The following TRDN variants were observed in gnomAD, a reference collection of about 807,000 sequenced individuals.
The protein encoded by TRDN is triadin in skeletal muscle.
TRDN carries 161 observed loss-of-function variants against 149.7 expected under a neutral mutation model. The ratio of observed to expected loss-of-function variants is 1.08; its 90% confidence interval spans 0.95 to 1.23. TRDN has a LOEUF of 1.23. TRDN is among the 50% of genes most tolerant of loss of function. TRDN has a pLI of 0.00. For synonymous variants in TRDN, 294 were observed against 250.5 expected, an observed-to-expected ratio of 1.17 and a Z score of -1.64; for missense variants, 896 against 823.5, an observed-to-expected ratio of 1.09 and a Z score of -1.08.
At chr6:123,305,003 AT>A (rs369437819) in intron 24 of TRDN, among the ~76,000 whole-genome samples, 3 of 152,158 alleles carry the variant, frequency 2.0e-5, no homozygotes, top group African/African-American at 7.2e-5. Context: ...TTTAAAAACT[AT>A]TTGCAAATAT....
At chr6:123,231,180 CA>C (rs1775587377) in intron 38 of TRDN, among the ~76,000 whole-genome samples, 1 of 151,624 alleles carries the variant, frequency 6.6e-6, no homozygotes, top group Admixed American at 6.6e-5. Flanking sequence ...CTGGAGGAAC[CA>C]AAAGGAAATA....
At chr6:123,466,881 A>T (rs543285445) in intron 9 of TRDN, among the ~76,000 whole-genome samples, 1 of 151,824 alleles carries the variant, frequency 6.6e-6, no homozygotes, top group South Asian at 2.1e-4. Context: ...CCTGTCATAT[A>T]CCTCGGTGAA....
At chr6:123,307,234 A>T (rs189065815) in intron 24 of TRDN, among the ~76,000 whole-genome samples, 75 of 152,152 alleles carry the variant, frequency 4.9e-4, no homozygotes, top group African/African-American at 1.5e-3. Context: ...AATTTAATTT[A>T]TCTTTTCATT....
At chr6:123,543,305 T>C (rs1583216477) in intron 4 of TRDN, among the ~76,000 whole-genome samples, 1 of 152,304 alleles carries the variant, frequency 6.6e-6, no homozygotes, top group South Asian at 2.1e-4. Context: ...TCATCATTAG[T>C]CTTTGGGAAT....
chr6:123,320,517 T>A (rs1779202918), intron 23 of TRDN, among the ~76,000 whole-genome samples: 1 of 151,756 alleles, frequency 6.6e-6, no homozygotes, highest in African/African-American at 2.4e-5. Flanking sequence ...ATGTTATTAT[T>A]AGACTCAATT....
chr6:123,518,389 C>T (rs557471226), intron 5 of TRDN, among the ~76,000 whole-genome samples: 1 of 152,186 alleles, frequency 6.6e-6, no homozygotes, highest in East Asian at 1.9e-4. Context: ...TTGGCAAAAA[C>T]AAAGCGTCTT....
At chr6:123,423,620 A>G (rs577476972) in intron 12 of TRDN, among the ~76,000 whole-genome samples, 1 of 152,170 alleles carries the variant, frequency 6.6e-6, no homozygotes, top group East Asian at 1.9e-4. Context: ...ACAAACATAA[A>G]CTAACTTAGA....
At chr6:123,299,359 T>A (rs1022639715) in intron 24 of TRDN, among the ~76,000 whole-genome samples, 1 of 152,060 alleles carries the variant, frequency 6.6e-6, no homozygotes, top group Non-Finnish European at 1.5e-5. Context: ...TTGTCTCAGG[T>A]TTGCTATTTG....
intron 1 of TRDN, among the ~76,000 whole-genome samples, chr6:123,611,502 G>A (rs977998137): frequency 2.2e-4 from 33 of 151,816 alleles, no homozygotes; most frequent in African/African-American, 4.1e-4. Flanking sequence ...ATTCTTTAGC[G>A]CTCCCATAAT....
chr6:123,503,708 T>C lies in TRDN; in HGVS notation c.793+11A>G, dbSNP rs757513305. ...TAGAACCTCCGGCAGCCTCCTGCTCTGAATGTTTACCTTTCTGTTCATGCT... is the reference window on the plus strand; with the variant it reads ...TAGAACCTCCGGCAGCCTCCTGCTCCGAATGTTTACCTTTCTGTTCATGCT... On this transcript the variant is annotated intron_variant, in intron 8 of 40. Coordinates refer to ENST00000334268, the MANE Select transcript of TRDN (RefSeq NM_006073.4). The C allele has an allele frequency of 6.8e-6, 11 of 1,613,670 alleles. No individual in the cohort carries two copies. The highest frequency in any genetic ancestry group is 1.6e-4 in the Middle Eastern group (1 of 6,062).
rs186574868 is a variant in TRDN, at chr6:123,573,814, A to G, written c.23-2682T>C. Among the ~76,000 whole-genome samples the G allele has an allele frequency of 7.6e-4, 115 of 152,194 alleles. 2 individuals carry two copies. The East Asian group carries it at 0.014, about 19-fold the overall frequency. ...GAATTCCTTAAATTAGAAAAATAAT[A>G]TTTGAACCCTTCAAACAGCTATGTA... On this transcript the variant is annotated intron_variant, in intron 1 of 40. Transcript: ENST00000334268.
At chr6:123,480,087 T>C (rs921099541) in intron 9 of TRDN, among the ~76,000 whole-genome samples, 1 of 152,064 alleles carries the variant, frequency 6.6e-6, no homozygotes, top group East Asian at 1.9e-4. Flanking sequence ...AGGTGTTGAA[T>C]GGTAGAAGTG....
chr6:123,237,511 C>A (rs1013373445), intron 38 of TRDN, among the ~76,000 whole-genome samples: 4 of 152,130 alleles, frequency 2.6e-5, no homozygotes. Flanking sequence ...GCCTCCCAAA[C>A]TGCTGGGATT....
chr6:123,256,119 G>A (rs1188998169), intron 35 of TRDN, among the ~76,000 whole-genome samples: 1 of 151,880 alleles, frequency 6.6e-6, no homozygotes, highest in Non-Finnish European at 1.5e-5. Flanking sequence ...GCCCCAATGT[G>A]TGATGTTCCC....
chr6:123,422,375 C>A (rs1773942068), intron 12 of TRDN, among the ~76,000 whole-genome samples: 1 of 152,022 alleles, frequency 6.6e-6, no homozygotes, highest in Non-Finnish European at 1.5e-5. Context: ...TTTACAGAAG[C>A]AATCTTGTTA....
In TRDN at chr6:123,543,522, C is replaced by T. The variant is rs376399476; in HGVS notation, c.424+3818G>A. 3.3e-5 allele frequency among the ~76,000 whole-genome samples: 5 copies of T among 152,248 alleles called. No homozygotes were observed. In the East Asian group the frequency reaches 5.8e-4, roughly 18 times the overall value. On this transcript the variant is annotated intron_variant, in intron 4 of 40. Coordinates refer to ENST00000334268, the MANE Select transcript of TRDN (RefSeq NM_006073.4). ...CTTAGACCTCTGTGCTTTGCTCTCA[C>T]TCAGAAACCTAGGAGTTACCCAGAA...
At chr6:123,496,966 A>G (rs373250081) in intron 9 of TRDN, among the ~76,000 whole-genome samples, 3 of 152,068 alleles carry the variant, frequency 2.0e-5, no homozygotes, top group East Asian at 3.8e-4. Flanking sequence ...ATATTAGCAC[A>G]TATTTTACAT....
intron 13 of TRDN, among the ~76,000 whole-genome samples, chr6:123,390,104 C>T (rs1300463211): frequency 6.6e-6 from 1 of 152,084 alleles, no homozygotes; most frequent in Admixed American, 6.6e-5. Context: ...ATTACCCCCT[C>T]GAAGGAGCTC....
In TRDN at chr6:123,570,931, T is replaced by A. The variant is rs368939536; in HGVS notation, c.224A>T (p.Asn75Ile). Residue 75 changes from asparagine to isoleucine, a missense_variant, in exon 2 of 41, where the codon AAC (asparagine) becomes ATC (isoleucine). Asn to Ile is a moderately radical substitution (Grantham distance 149). Transcript: ENST00000334268. ...IVMFDLVDYK[N>I]FSASSIAKIG... Reference sequence around the variant, plus strand: ...AATTTTATGGAACTTACCTGAAAAGTTTTTGTAATCCACTAAATCAAACAT... The same window carrying A: ...AATTTTATGGAACTTACCTGAAAAGATTTTGTAATCCACTAAATCAAACAT... The A allele has an allele frequency of 9.9e-6, 16 of 1,613,300 alleles. No individual in the cohort carries two copies. Among genetic ancestry groups the A allele is most frequent in the Admixed American group, 1.7e-5 (1 of 59,986 alleles).
Sources: gnomAD v4.1 joint callset for allele counts (sites outside exome capture counted in the v4.1 genomes callset) on GRCh38, gnomAD v4.1.1 for gene constraint, MANE v1.5 for transcripts, NCBI Gene and HGNC (gene_info 2026-07-23, HGNC 2026-07-21) for gene names.